COL1A2: variants seen among roughly 807,000 people sequenced by gnomAD.
COL1A2 encodes collagen type I alpha 2 chain.
COL1A2 carries 49 observed loss-of-function variants against 174.3 expected under a neutral mutation model. The observed-to-expected ratio is 0.28, with a 90% CI of 0.22 to 0.36. The LOEUF is 0.36. Among genes scored for constraint, COL1A2 ranks in the 10% least tolerant of loss-of-function variants. The pLI is 1.00. For missense variants in COL1A2, 1,438 were observed against 1,822.7 expected (o/e 0.79, Z 3.84); for synonymous variants, 655 against 606.6 (o/e 1.08, Z -1.17).
intron 6 of COL1A2, among the ~76,000 whole-genome samples, chr7:94,403,627 G>A (rs1272663011): frequency 5.3e-5 from 8 of 152,122 alleles, no homozygotes; most frequent in African/African-American, 1.9e-4. Flanking sequence ...TAATTAAAAT[G>A]ACATACATTT....
intron 4 of COL1A2, among the ~76,000 whole-genome samples, chr7:94,399,477 A>C (rs1791644850): frequency 6.6e-6 from 1 of 152,160 alleles, no homozygotes; most frequent in South Asian, 2.1e-4. Flanking sequence ...AGTCAGTAAC[A>C]TGTTTCTCTG....
Position 94,406,285 on chromosome 7 carries a change from C to T in COL1A2, c.576C>T (p.Pro192=), listed in dbSNP as rs140656978. ...HNGLDGLKGQ[P]GAPGVKGEPG... ...GTCTGGATGGATTGAAGGGACAGCC[C>T]GGTGCTCCTGGTGTGAAGGTAAATA... Residue 192 remains proline, a synonymous_variant, in exon 12 of 52, where the codon CCC becomes CCT. Coordinates refer to ENST00000297268, the MANE Select transcript of COL1A2 (RefSeq NM_000089.4). The T allele has an allele frequency of 3.3e-5, 53 of 1,613,828 alleles. No individual in the cohort carries two copies. In the South Asian group the frequency reaches 5.3e-4, roughly 16 times the overall value.
At chr7:94,411,701 G>A (rs538685926) in intron 23 of COL1A2, among the ~76,000 whole-genome samples, 1 of 152,192 alleles carries the variant, frequency 6.6e-6, no homozygotes, top group South Asian at 2.1e-4. Context: ...CAAGTAATAG[G>A]GACACCAAAT....
In COL1A2 at chr7:94,404,562, A is replaced by G. The variant is rs763509640; in HGVS notation, c.286A>G (p.Met96Val). Reference protein sequence around the residue: ...VGLGPGPMGLMGPRGPPGAAG... With the variant: ...VGLGPGPMGLVGPRGPPGAAG... ...ATATCTGCTTTCTTTACAGGGCTTA[A>G]TGGGACCTAGAGGCCCACCTGGTGC... is the stretch of plus-strand genomic sequence containing the variant. Residue 96 changes from methionine to valine, a missense_variant, in exon 7 of 52, where the codon ATG becomes GTG. This residue lies in a region of COL1A2 where 281 missense variants were observed against 310.9 expected (regional missense o/e 0.90). Transcript: ENST00000297268. 3.5e-5 allele frequency: 57 copies of G among 1,613,272 alleles called. No individual in the cohort carries two copies. Among genetic ancestry groups the G allele is most frequent in the Non-Finnish European group, 4.4e-5 (52 of 1,179,990 alleles).
At chr7:94,421,432 C>T in intron 38 of COL1A2, 2 of 390,590 alleles carry the variant, frequency 5.1e-6, no homozygotes, top group Middle Eastern at 7.9e-4. Context: ...CAAAAATGAA[C>T]TTTACTGACT....
At position 94,410,247 on chromosome 7, in the gene COL1A2, G is replaced by A. The variant is rs1584319702; in HGVS notation, c.1041G>A (p.Glu347=). ...GATGARGLVG[E]PGPAGSKGES... Reference sequence around the variant, plus strand: ...TGTTCTGTATTGAACCCTAGGGTGAGCCTGGTCCAGCTGGCTCCAAAGGAG... The same window carrying A: ...TGTTCTGTATTGAACCCTAGGGTGAACCTGGTCCAGCTGGCTCCAAAGGAG... The change falls in exon 20 of 52, where the codon GAG becomes GAA. Residue 347 remains glutamate (E), a synonymous_variant. Transcript: ENST00000297268. The A allele has an allele frequency of 5.6e-6, 9 of 1,613,768 alleles. No homozygotes were observed. The highest frequency in any genetic ancestry group is 6.8e-6 in the Non-Finnish European group (8 of 1,180,018).
chr7:94,397,748 C>A lies in COL1A2; in HGVS notation c.71C>A (p.Ser24Tyr). ...AVTLCLATCQ[S>Y]LQEETVRKGP... ...TACTTTTTCTTTTTTTTTTCTACAG[C>A]TTTACAAGAGGTGAGTAAAACTTTT... The change falls in exon 2 of 52, where the codon TCT (serine) becomes TAT (tyrosine). Residue 24 changes from serine (S) to tyrosine (Y), a missense_variant and splice_region_variant. This residue lies in a region of COL1A2 where 281 missense variants were observed against 310.9 expected (regional missense o/e 0.90). Coordinates refer to ENST00000297268, the MANE Select transcript of COL1A2 (RefSeq NM_000089.4). 2 of 1,304,304 alleles carry A rather than the reference C, an allele frequency of 1.5e-6. No individual in the cohort carries two copies. The highest frequency in any genetic ancestry group is 2.2e-6 in the Non-Finnish European group (2 of 911,640). The allele number at this position is 1,304,304 out of a possible 1,614,324, so 80.8% of individuals were successfully genotyped here.
intron 46 of COL1A2, 50 bp from the exon 47 acceptor site, chr7:94,426,958 T>G: frequency 6.5e-7 from 1 of 1,545,544 alleles, no homozygotes; most frequent in South Asian, 1.1e-5. Flanking sequence ...AAAAAATATG[T>G]CTCTTGACAT....
chr7:94,428,571 G>C, intron 50 of COL1A2, 94 bp downstream of exon 50: 2 of 1,262,564 alleles, frequency 1.6e-6, no homozygotes, highest in Non-Finnish European at 2.2e-6. Flanking sequence ...GACAAAAATG[G>C]GCTTATTAAA....
At chr7:94,414,750 T>A (rs529479254) in intron 29 of COL1A2, among the ~76,000 whole-genome samples, 3 of 152,214 alleles carry the variant, frequency 2.0e-5, no homozygotes, top group Non-Finnish European at 4.4e-5. Flanking sequence ...TTTAGTTACA[T>A]TCTGTGGCCT....
At position 94,420,215 on chromosome 7, in the gene COL1A2, T is replaced by C; in HGVS notation, c.2080-18T>C. 1.2e-6 allele frequency: 2 copies of C among 1,613,002 alleles called. No individual in the cohort carries two copies. Among genetic ancestry groups the C allele is most frequent in the Non-Finnish European group, 1.7e-6 (2 of 1,180,028 alleles). ...TATGTCAGGCACATTAACAGATTCATCTTTGGTCCCATTATAGGGCGAAGC... is the reference window on the plus strand; with the variant it reads ...TATGTCAGGCACATTAACAGATTCACCTTTGGTCCCATTATAGGGCGAAGC... On this transcript the variant is annotated intron_variant, in intron 34 of 51. Transcript: ENST00000297268.
intron 5 of COL1A2, among the ~76,000 whole-genome samples, chr7:94,400,771 T>G (rs527246441): frequency 6.6e-6 from 1 of 152,336 alleles, no homozygotes; most frequent in East Asian, 1.9e-4. Context: ...CATTAATATC[T>G]TCTTTTAGCT....
At chr7:94,411,973 G>T in intron 23 of COL1A2, 95 bp from the exon 24 acceptor site, 2 of 996,768 alleles carry the variant, frequency 2.0e-6, no homozygotes, top group Admixed American at 2.0e-5. Context: ...ACAAAAAGTC[G>T]GGGGAAAAGG....
intron 4 of COL1A2, 76 bp downstream of exon 4, chr7:94,399,160 A>C (rs1791639447): frequency 1.5e-6 from 2 of 1,308,536 alleles, no homozygotes; most frequent in Non-Finnish European, 2.2e-6. Flanking sequence ...AGGAACTGGC[A>C]ATTTATAAGA....
At chr7:94,404,024 A>G (rs1201660669) in intron 6 of COL1A2, among the ~76,000 whole-genome samples, 1 of 152,092 alleles carries the variant, frequency 6.6e-6, no homozygotes, top group East Asian at 1.9e-4. Context: ...TTTGTTTGAC[A>G]TTTTCATCAG....
chr7:94,426,917 C>A, intron 46 of COL1A2, 91 bp from the exon 47 acceptor site: 1 of 1,151,752 alleles, frequency 8.7e-7, no homozygotes, highest in East Asian at 2.4e-5. Flanking sequence ...GTCCATTTAA[C>A]TAAAGTTTCC....
At chr7:94,395,539 C>T in intron 1 of COL1A2, 2 of 311,260 alleles carry the variant, frequency 6.4e-6, no homozygotes, top group South Asian at 5.7e-5. Flanking sequence ...GTAAAACTCA[C>T]CTCCTAAGAG....
chr7:94,413,556 G>A (rs761483701), intron 26 of COL1A2, 134 bp from the exon 27 acceptor site: 36 of 871,782 alleles, frequency 4.1e-5, no homozygotes, highest in East Asian at 1.3e-4. Flanking sequence ...TTGGGCTTTC[G>A]TGGGAACCCA....
At chr7:94,425,548 C>T (rs1370072017) in intron 42 of COL1A2, 62 bp from the exon 43 acceptor site, 9 of 1,525,294 alleles carry the variant, frequency 5.9e-6, no homozygotes, top group Non-Finnish European at 8.2e-6. Flanking sequence ...GTAGCTACAA[C>T]ATAGGGGCTG....
Sources: gnomAD v4.1 joint callset for allele counts (sites outside exome capture counted in the v4.1 genomes callset) on GRCh38, gnomAD v4.1.1 for gene constraint, gnomAD v4.1.1 regional missense constraint, MANE v1.5 for transcripts, NCBI Gene and HGNC (gene_info 2026-07-23, HGNC 2026-07-21) for gene names.